The following DPYSL5 variants were observed in gnomAD, a reference collection of about 807,000 sequenced individuals.
DPYSL5 encodes the protein dihydropyrimidinase-related protein 5.
In DPYSL5, 9 loss-of-function variants were observed where a neutral mutation model predicts 58.4. That is an observed-to-expected ratio of 0.15 (90% CI 0.09 to 0.27). DPYSL5 has a LOEUF of 0.27. Among genes scored for constraint, DPYSL5 ranks in the 10% least tolerant of loss-of-function variants. The pLI is 1.00. For synonymous variants in DPYSL5, 293 were observed against 301.9 expected (o/e 0.97, Z 0.31); for missense variants, 499 against 770.6 (o/e 0.65, Z 4.17).
chr2:26,871,502 G>A (rs1473417757), intron 1 of DPYSL5, among the ~76,000 whole-genome samples: 2 of 152,100 alleles, frequency 1.3e-5, no homozygotes, highest in East Asian at 3.9e-4. Context: ...GAGTGCAGTG[G>A]TGCCATCTTG....
rs1208471761 is a variant in DPYSL5 at position 26,849,741 on chromosome 2, G to T, written c.-5+1487G>T. The stretch of plus-strand genomic sequence containing the variant: ...GGACGCGAGGGTGCAGTTTTCTGGT[G>T]CTGGGAATACTCCCTGCGGAACCTC... On this transcript the variant is annotated intron_variant, in intron 1 of 12. Coordinates refer to ENST00000288699, the MANE Select transcript of DPYSL5 (RefSeq NM_020134.4). The surrounding 1 kb of genome is among the most constrained non-coding windows in gnomAD (Gnocchi z 6.2). Among the ~76,000 whole-genome samples the T allele has an allele frequency of 6.6e-6, 1 of 152,228 alleles. No homozygotes were observed. The highest frequency in any genetic ancestry group is 1.5e-5 in the Non-Finnish European group (1 of 68,036).
intron 5 of DPYSL5, among the ~76,000 whole-genome samples, chr2:26,930,906 G>T (rs1003424997): frequency 6.6e-6 from 1 of 151,394 alleles, no homozygotes; most frequent in Non-Finnish European, 1.5e-5. Context: ...CCCAGGAGGC[G>T]GAGCTTGCAG....
rs140466265 is a variant in DPYSL5 at position 26,881,950 on chromosome 2, G to A, written c.-4-16546G>A. Among the ~76,000 whole-genome samples the A allele has an allele frequency of 1.8e-3, 281 of 151,952 alleles. 2 individuals carry two copies. Among genetic ancestry groups the A allele is most frequent in the African/African-American group, 6.6e-3 (272 of 41,454 alleles). ...ACTAAAAATACAAAAAATTACCTGG[G>A]CATGGTGGTGGGCACCTGCAGTCTC... On this transcript the variant is annotated intron_variant, in intron 1 of 12. Transcript: ENST00000288699.
intron 5 of DPYSL5, among the ~76,000 whole-genome samples, chr2:26,930,960 C>A: frequency 6.9e-6 from 1 of 145,070 alleles, no homozygotes; most frequent in Non-Finnish European, 1.5e-5. Context: ...GGCGACAGAG[C>A]AAGACTCCGT....
chr2:26,853,212 G>A (rs1665798374), intron 1 of DPYSL5, among the ~76,000 whole-genome samples: 1 of 152,196 alleles, frequency 6.6e-6, no homozygotes, highest in African/African-American at 2.4e-5. Flanking sequence ...TCCTTTGAGT[G>A]GGGTTAGGCT....
intron 8 of DPYSL5, chr2:26,939,288 C>T (rs1665258813): frequency 2.0e-5 from 3 of 152,246 alleles, no homozygotes; most frequent in Admixed American, 2.0e-4. Context: ...CAGGCGCCCA[C>T]CACTACGCTC....
chr2:26,860,087 C>T (rs1185917683), intron 1 of DPYSL5, among the ~76,000 whole-genome samples: 2 of 152,162 alleles, frequency 1.3e-5, no homozygotes, highest in Non-Finnish European at 2.9e-5. Flanking sequence ...TAAAGGGATG[C>T]TAATATCGTC....
intron 8 of DPYSL5, chr2:26,939,747 G>T: frequency 5.8e-6 from 2 of 343,692 alleles, no homozygotes; most frequent in Non-Finnish European, 1.1e-5. Flanking sequence ...CTCTAAGTTC[G>T]GCTTTTCTCT....
At chr2:26,916,878 G>T (rs1664577513) in intron 2 of DPYSL5, among the ~76,000 whole-genome samples, 1 of 152,184 alleles carries the variant, frequency 6.6e-6, no homozygotes, top group Non-Finnish European at 1.5e-5. Flanking sequence ...TCCTTAAGAT[G>T]CTTACATTTC....
At position 26,942,879 on chromosome 2, in the gene DPYSL5, C is replaced by A; in HGVS notation, c.1440+129C>A. On this transcript the variant is annotated intron_variant, in intron 11 of 12. Coordinates refer to ENST00000288699, the MANE Select transcript of DPYSL5 (RefSeq NM_020134.4). This position sits in a 1 kb window ranked among gnomAD's most constrained non-coding sequence, Gnocchi z 5.9. The stretch of plus-strand genomic sequence containing the variant: ...CCCAATTCCATTGCACTTTCTCCAG[C>A]GTTGAGAGGGGAGTGTGCGGCAGCG... The A allele has an allele frequency of 9.4e-7, 1 of 1,059,140 alleles. No homozygotes were observed. The highest frequency in any genetic ancestry group is 1.4e-6 in the Non-Finnish European group (1 of 733,164). 65.6% of individuals were successfully genotyped at this position (1,059,140 alleles called of 1,614,324 possible).
chr2:26,915,729 A>G (rs770454099), intron 2 of DPYSL5, among the ~76,000 whole-genome samples: 14 of 151,972 alleles, frequency 9.2e-5, no homozygotes, highest in Non-Finnish European at 1.8e-4. Flanking sequence ...TTTCCCCCAA[A>G]ACCTTCCATC....
intron 2 of DPYSL5, among the ~76,000 whole-genome samples, chr2:26,907,236 T>C (rs1664317707): frequency 6.6e-6 from 1 of 152,110 alleles, no homozygotes; most frequent in Non-Finnish European, 1.5e-5. Flanking sequence ...TGTCTCAGCC[T>C]CCCAAGTAAC....
In DPYSL5 at chr2:26,898,854, T is replaced by TC. The variant is rs1191732411; in HGVS notation, c.261+97dup. On this transcript the variant is annotated intron_variant, in intron 2 of 12. Coordinates refer to ENST00000288699, the MANE Select transcript of DPYSL5 (RefSeq NM_020134.4). This position sits in a 1 kb window ranked among gnomAD's most constrained non-coding sequence, Gnocchi z 6.1. ...GACTAGACTCATGTGAGCCAGGTGC[T>TC]CCCAGTGTATTGCTGGCAGGAGAAG... The TC allele has an allele frequency of 6.9e-7, 1 of 1,454,496 alleles. No homozygotes were observed. The highest frequency in any genetic ancestry group is 1.4e-5 in the African/African-American group (1 of 70,712). 90.1% of individuals were successfully genotyped at this position (1,454,496 alleles called of 1,614,324 possible).
At chr2:26,867,181 C>A (rs1041963571) in intron 1 of DPYSL5, among the ~76,000 whole-genome samples, 3 of 152,084 alleles carry the variant, frequency 2.0e-5, no homozygotes, top group African/African-American at 7.2e-5. Context: ...AGGTAAATAT[C>A]TTTTGTCCTT....
At chr2:26,936,171 G>A (rs1296600121) in intron 8 of DPYSL5, among the ~76,000 whole-genome samples, 1 of 152,158 alleles carries the variant, frequency 6.6e-6, no homozygotes, top group African/African-American at 2.4e-5. Context: ...GGGAATGCCA[G>A]GACTCTCCAT....
At position 26,946,971 on chromosome 2, in the gene DPYSL5, A is replaced by G; in HGVS notation, c.1671A>G (p.Gly557=). 6.2e-7 allele frequency: 1 copy of G among 1,613,910 alleles called. No individual in the cohort carries two copies. The highest frequency in any genetic ancestry group is 8.5e-7 in the Non-Finnish European group (1 of 1,179,848). ...RASARILAPP[G]GRSSGIW The stretch of plus-strand genomic sequence containing the variant: ...CAGCTCGGATCCTCGCTCCTCCCGG[A>G]GGCAGGTCGAGTGGCATTTGGTAAA... Residue 557 remains glycine, a synonymous_variant, in exon 13 of 13, where the codon GGA becomes GGG. Coordinates refer to ENST00000288699, the MANE Select transcript of DPYSL5 (RefSeq NM_020134.4).
intron 5 of DPYSL5, among the ~76,000 whole-genome samples, 188 bp downstream of exon 5, chr2:26,928,511 A>G (rs1231660795): frequency 1.3e-5 from 2 of 151,064 alleles, no homozygotes; most frequent in South Asian, 2.1e-4. Context: ...CCTGGGCAAC[A>G]TGGTGAAACT....
In DPYSL5 at chr2:26,942,630, C is replaced by T; in HGVS notation, c.1320C>T (p.Ile440=). 2 of 1,614,168 alleles carry T rather than the reference C, an allele frequency of 1.2e-6. No homozygotes were observed. Among genetic ancestry groups the T allele is most frequent in the Non-Finnish European group, 1.7e-6 (2 of 1,180,032 alleles). Residue 440 remains isoleucine (I), a synonymous_variant, in exon 11 of 13, where the codon ATC becomes ATT. Coordinates refer to ENST00000288699, the MANE Select transcript of DPYSL5 (RefSeq NM_020134.4). This position sits in a 1 kb window ranked among gnomAD's most constrained non-coding sequence, Gnocchi z 5.9. Reference sequence around the variant, plus strand: ...GCCACGGCGTGCCACTGGTCACCATCAGCCGGGGGCGCGTCGTGTATGAGA... The same window carrying T: ...GCCACGGCGTGCCACTGGTCACCATTAGCCGGGGGCGCGTCGTGTATGAGA... ...MRCHGVPLVT[I]SRGRVVYENG...
At chr2:26,928,383 C>T (rs1163950687) in intron 5 of DPYSL5, 60 bp downstream of exon 5, 1 of 1,566,472 alleles carries the variant, frequency 6.4e-7, no homozygotes, top group African/African-American at 1.4e-5. Context: ...CAGAATCTTC[C>T]AGGATGGAGG....
Sources: gnomAD v4.1 joint callset for allele counts (sites outside exome capture counted in the v4.1 genomes callset) on GRCh38, gnomAD v4.1.1 for gene constraint, Gnocchi (gnomAD v3.1) non-coding constraint, MANE v1.5 for transcripts, NCBI Gene and HGNC (gene_info 2026-07-23, HGNC 2026-07-21) for gene names.